SNRPA1: variants seen among roughly 807,000 people sequenced by gnomAD.
The protein encoded by SNRPA1 is U2 small nuclear ribonucleoprotein A'.
In SNRPA1, 5 loss-of-function variants were observed where a neutral mutation model predicts 32.3. The ratio of observed to expected loss-of-function variants is 0.15; its 90% CI spans 0.08 to 0.33. SNRPA1 has a LOEUF of 0.33. SNRPA1 is among the 10% of genes least tolerant of loss of function. The probability of loss-of-function intolerance (pLI) is 1.00; values close to 1 mark genes in which losing one functional copy is unlikely to be tolerated. For synonymous variants in SNRPA1, 111 were observed against 120.1 expected (o/e 0.92, Z 0.50); for missense variants, 198 against 311.1 (o/e 0.64, Z 2.74).
At chr15:101,281,894 A>G in intron 8 of SNRPA1, 112 bp from the exon 9 acceptor site, 1 of 987,554 alleles carries the variant, frequency 1.0e-6, no homozygotes, top group East Asian at 2.4e-5. Flanking sequence ...GTAGGTACAA[A>G]AAGATCAAAA....
intron 8 of SNRPA1, 140 bp from the exon 9 acceptor site, chr15:101,281,922 G>C: frequency 1.3e-6 from 1 of 753,516 alleles, no homozygotes; most frequent in Non-Finnish European, 2.3e-6. Flanking sequence ...CTGCCTTTGA[G>C]GAGCTTATCG....
At chr15:101,291,938 A>G in intron 3 of SNRPA1, 24 bp downstream of exon 3, 4 of 1,524,742 alleles carry the variant, frequency 2.6e-6, no homozygotes, top group Non-Finnish European at 3.6e-6. Flanking sequence ...CCCACCAAAT[A>G]CATTTTCCTT....
chr15:101,286,038 G>A, intron 6 of SNRPA1, 176 bp downstream of exon 6: 1 of 650,692 alleles, frequency 1.5e-6, no homozygotes, highest in Non-Finnish European at 2.7e-6. Context: ...TGCTAAGCTG[G>A]TAGAAATTTC....
rs536765847 is a variant in SNRPA1, at chr15:101,286,668, G to T, written c.459+240C>A. ...CAATCCACTGTTAAGACTGCTCACC[G>T]TGGCCTCAGCACTTTGCGAACTTCG... On this transcript the variant is annotated intron_variant, in intron 5 of 8. Coordinates refer to ENST00000254193, the MANE Select transcript of SNRPA1 (RefSeq NM_003090.4). 90 of 481,852 alleles carry T rather than the reference G, an allele frequency of 1.9e-4. 1 individual carries two copies. The South Asian group carries it at 2.4e-3, about 13-fold the overall frequency. 29.8% of individuals were successfully genotyped at this position (481,852 alleles called of 1,614,324 possible). A position where few individuals can be genotyped will look rare whatever the true frequency, so the allele number is the denominator to read the frequency against.
At chr15:101,286,798 A>G in intron 5 of SNRPA1, 110 bp downstream of exon 5, 1 of 629,424 alleles carries the variant, frequency 1.6e-6, no homozygotes, top group East Asian at 2.7e-5. Context: ...CTTTTATTAC[A>G]AACTAATGGT....
chr15:101,287,992 G>C (rs539738916), intron 3 of SNRPA1: 88 of 370,450 alleles, frequency 2.4e-4, no homozygotes, highest in African/African-American at 1.6e-3. Context: ...ATTTGGAAAA[G>C]AAAACAATGG....
intron 1 of SNRPA1, 146 bp from the exon 2 acceptor site, chr15:101,293,318 G>C: frequency 1.9e-6 from 1 of 526,950 alleles, no homozygotes; most frequent in Non-Finnish European, 3.3e-6. Flanking sequence ...GGTCACGCAT[G>C]ACTTGCCGCT....
At chr15:101,285,314 C>G (rs1373746903) in intron 7 of SNRPA1, among the ~76,000 whole-genome samples, 1 of 152,136 alleles carries the variant, frequency 6.6e-6, no homozygotes, top group Non-Finnish European at 1.5e-5. Flanking sequence ...AAAATCGTAG[C>G]TAAGTGAAGT....
chr15:101,284,647 C>T (rs766378732), intron 8 of SNRPA1: 24 of 214,810 alleles, frequency 1.1e-4, no homozygotes, highest in African/African-American at 2.5e-4. Flanking sequence ...GGATTACAGG[C>T]GCGCACCACC....
At chr15:101,292,985 A>C in intron 2 of SNRPA1, 40 bp downstream of exon 2, 1 of 1,466,338 alleles carries the variant, frequency 6.8e-7, no homozygotes. Context: ...TGCAACATTT[A>C]CTCTAGGGGA....
In SNRPA1 at chr15:101,285,051, C is replaced by T. The variant is rs755978201; in HGVS notation, c.625G>A (p.Ala209Thr). Residue 209 changes from alanine to threonine, a missense_variant, in exon 8 of 9, where the codon GCA becomes ACA. Physicochemically the swap from Ala to Thr is moderately conservative, Grantham distance 58. Transcript: ENST00000254193. Reference sequence around the variant, plus strand: ...ACTTCAGCCAGAGTTGAAGCATTTGCTATGGCATTCTGGAGGACAGAGGGC... The same window carrying T: ...ACTTCAGCCAGAGTTGAAGCATTTGTTATGGCATTCTGGAGGACAGAGGGC... ...GDVEAIKNAI[A>T]NASTLAEVER... The T allele has an allele frequency of 6.2e-7, 1 of 1,613,450 alleles. No individual in the cohort carries two copies. The highest frequency in any genetic ancestry group is 8.5e-7 in the Non-Finnish European group (1 of 1,179,464).
At chr15:101,291,505 ACT>A (rs2039525628) in intron 3 of SNRPA1, among the ~76,000 whole-genome samples, 1 of 144,584 alleles carries the variant, frequency 6.9e-6, no homozygotes, top group South Asian at 2.2e-4. Context: ...TAAAAAAATT[ACT>A]GAGATAGTTT....
At chr15:101,291,452 C>T (rs950147070) in intron 3 of SNRPA1, among the ~76,000 whole-genome samples, 6 of 151,556 alleles carry the variant, frequency 4.0e-5, no homozygotes, top group Non-Finnish European at 5.9e-5. Context: ...AATAATATGC[C>T]ATTTAACTTA....
intron 4 of SNRPA1, among the ~76,000 whole-genome samples, chr15:101,287,344 C>A (rs1331567922): frequency 6.6e-6 from 1 of 152,054 alleles, no homozygotes; most frequent in Non-Finnish European, 1.5e-5. Flanking sequence ...CTTTCCCCAC[C>A]CCACAACAGG....
At position 101,286,168 on chromosome 15, in the gene SNRPA1, T is replaced by G. The variant is rs776098533; in HGVS notation, c.539+46A>C. ...ACGAACTGCCAGACAGATCAGATCA[T>G]GTTTCTGAAGGTGAAGTAGAGTTAA... On this transcript the variant is annotated intron_variant, in intron 6 of 8. Transcript: ENST00000254193. 8 of 1,482,450 alleles carry G rather than the reference T, an allele frequency of 5.4e-6. No individual in the cohort carries two copies. In the Admixed American group the frequency reaches 1.2e-4, roughly 22 times the overall value. 91.8% of individuals were successfully genotyped at this position (1,482,450 alleles called of 1,614,324 possible).
chr15:101,289,146 C>A (rs2039491637), intron 3 of SNRPA1, among the ~76,000 whole-genome samples: 1 of 152,066 alleles, frequency 6.6e-6, no homozygotes, highest in African/African-American at 2.4e-5. Flanking sequence ...TGAAGATGAT[C>A]CAAAAAGGAA....
At chr15:101,286,775 AT>A in intron 5 of SNRPA1, 132 bp downstream of exon 5, 1 of 602,304 alleles carries the variant, frequency 1.7e-6, no homozygotes, top group Non-Finnish European at 3.0e-6. Flanking sequence ...GTGATGTAAC[AT>A]TTTCCCTCCC....
rs149579042 is a variant in SNRPA1, at chr15:101,284,422, G to A, written c.709+545C>T. On this transcript the variant is annotated intron_variant, in intron 8 of 8. Transcript: ENST00000254193. ...CACATGGCTATCGCTAGTGTTCGGT[G>A]CACTCCATGGCTGAAGTAATTCTAG... Among the ~76,000 whole-genome samples the A allele has an allele frequency of 1.0e-3, 157 of 152,042 alleles. 2 individuals are homozygous for A. The South Asian group carries it at 0.016, about 16-fold the overall frequency.
At chr15:101,282,359 A>C (rs1171901966) in intron 8 of SNRPA1, among the ~76,000 whole-genome samples, 2 of 152,230 alleles carry the variant, frequency 1.3e-5, no homozygotes, top group African/African-American at 4.8e-5. Flanking sequence ...CAGTCAGCTG[A>C]ATTATTGTAT....
Sources: allele counts gnomAD v4.1 joint callset (sites outside exome capture counted in the v4.1 genomes callset), GRCh38; gene constraint gnomAD v4.1.1; transcripts MANE v1.5; gene names NCBI Gene and HGNC (gene_info 2026-07-23, HGNC 2026-07-21).